Variants in CATSPERB observed in about 807,000 individuals in gnomAD.
CATSPERB encodes the protein catsper channel auxiliary subunit beta.
In CATSPERB, 93 loss-of-function variants were observed where a neutral mutation model predicts 128.3. The ratio of observed to expected loss-of-function variants is 0.72; its 90% confidence interval spans 0.61 to 0.86. CATSPERB has a LOEUF of 0.86. Ranked by LOEUF, CATSPERB falls within the 40% of genes least tolerant of loss-of-function variation. The probability of loss-of-function intolerance (pLI) is 0.00; values close to 1 mark genes in which losing one functional copy is unlikely to be tolerated. For missense variants in CATSPERB, 1,153 were observed against 1,329.5 expected (o/e 0.87, Z 2.06); for synonymous variants, 381 against 448.8 (o/e 0.85, Z 1.91).
At chr14:91,660,788 A>G (rs1894866041) in intron 14 of CATSPERB, among the ~76,000 whole-genome samples, 1 of 152,242 alleles carries the variant, frequency 6.6e-6, no homozygotes, top group Non-Finnish European at 1.5e-5. Context: ...CTCATCTAAT[A>G]TAATCAATCC....
intron 10 of CATSPERB, among the ~76,000 whole-genome samples, chr14:91,686,762 T>C (rs1464034549): frequency 6.6e-6 from 1 of 152,230 alleles, no homozygotes; most frequent in Non-Finnish European, 1.5e-5. Flanking sequence ...TAGGATGTAT[T>C]GTATCTATAT....
At chr14:91,619,696 G>A (rs1231495223) in intron 19 of CATSPERB, among the ~76,000 whole-genome samples, 2 of 152,068 alleles carry the variant, frequency 1.3e-5, no homozygotes, top group South Asian at 2.1e-4. Flanking sequence ...TCCTATGCCT[G>A]TTGACTCTCT....
chr14:91,703,792 G>T (rs543019768), intron 7 of CATSPERB, among the ~76,000 whole-genome samples: 10 of 152,192 alleles, frequency 6.6e-5, no homozygotes, highest in African/African-American at 2.4e-4. Flanking sequence ...TAATAAACTG[G>T]CAAACCTAAA....
chr14:91,590,906 C>T (rs1416644631), intron 23 of CATSPERB, among the ~76,000 whole-genome samples: 2 of 152,090 alleles, frequency 1.3e-5, no homozygotes, highest in Non-Finnish European at 2.9e-5. Flanking sequence ...CCGCCTCGGC[C>T]TCCCAAAGTG....
At chr14:91,587,505 T>TTTTTA in intron 25 of CATSPERB, among the ~76,000 whole-genome samples, 1 of 118,386 alleles carries the variant, frequency 8.4e-6, no homozygotes, top group African/African-American at 3.1e-5. Context: ...TTTTTTTTTT[T>TTTTTA]AGAATGAGGA....
chr14:91,708,095 G>T, intron 6 of CATSPERB, 46 bp downstream of exon 6: 2 of 1,359,856 alleles, frequency 1.5e-6, no homozygotes, highest in Non-Finnish European at 1.1e-6. Flanking sequence ...AAAGTTTGTT[G>T]AAAGAATATA....
intron 7 of CATSPERB, among the ~76,000 whole-genome samples, chr14:91,699,395 C>G (rs751962546): frequency 6.6e-6 from 1 of 151,956 alleles, no homozygotes; most frequent in Non-Finnish European, 1.5e-5. Context: ...CAATTCCCAT[C>G]AAAATCACAA....
chr14:91,661,167 G>GT (rs1243899072), intron 14 of CATSPERB, among the ~76,000 whole-genome samples: 1 of 152,140 alleles, frequency 6.6e-6, no homozygotes, highest in Non-Finnish European at 1.5e-5. Context: ...CAGGGAGGTA[G>GT]TTAGGTGTCT....
intron 7 of CATSPERB, among the ~76,000 whole-genome samples, chr14:91,702,941 G>T (rs1443515421): frequency 6.6e-6 from 1 of 151,396 alleles, no homozygotes; most frequent in Non-Finnish European, 1.5e-5. Flanking sequence ...TACTTTTTGG[G>T]ATTTCTTACC....
chr14:91,691,051 C>A (rs1377672786), intron 10 of CATSPERB, among the ~76,000 whole-genome samples: 1 of 152,170 alleles, frequency 6.6e-6, no homozygotes, highest in Non-Finnish European at 1.5e-5. Context: ...AGGCCAGAAG[C>A]AGACCAGTGA....
rs773022414 is a variant in CATSPERB, at chr14:91,693,216, C to A, written c.741G>T (p.Met247Ile). Reference protein sequence around the residue: ...EEYEDLSLVDMVLTNHFLVIL... With the variant: ...EEYEDLSLVDIVLTNHFLVIL... ...TAACTAAAAAATGATTCGTTAAAACCATATCCACCAATGAAAGGTCTTCAT... is the reference window on the plus strand; with the variant it reads ...TAACTAAAAAATGATTCGTTAAAACAATATCCACCAATGAAAGGTCTTCAT... The change falls in exon 9 of 27, where the codon ATG becomes ATT. Residue 247 changes from methionine (M) to isoleucine (I), a missense_variant. Transcript: ENST00000256343. 1 of 1,613,404 alleles carries A rather than the reference C, an allele frequency of 6.2e-7. No homozygotes were observed.
chr14:91,630,020 G>T (rs1389118100), intron 17 of CATSPERB, among the ~76,000 whole-genome samples: 1 of 152,140 alleles, frequency 6.6e-6, no homozygotes, highest in Non-Finnish European at 1.5e-5. Flanking sequence ...CATTTCCCCA[G>T]CCCAGCTGAT....
At chr14:91,710,553 C>T (rs992557111) in intron 5 of CATSPERB, 1 of 152,188 alleles carries the variant, frequency 6.6e-6, no homozygotes, top group African/African-American at 2.4e-5. Context: ...TACAAAACTA[C>T]ACCTGATGAT....
At chr14:91,695,371 T>C (rs1895544974) in intron 7 of CATSPERB, among the ~76,000 whole-genome samples, 1 of 152,154 alleles carries the variant, frequency 6.6e-6, no homozygotes, top group Non-Finnish European at 1.5e-5. Flanking sequence ...TCTCAAGTGA[T>C]TCGCCCACCT....
intron 15 of CATSPERB, among the ~76,000 whole-genome samples, chr14:91,642,784 G>A (rs1894520918): frequency 6.9e-6 from 1 of 144,222 alleles, no homozygotes; most frequent in African/African-American, 2.6e-5. Context: ...AGAAGGAATG[G>A]TACCAGTTCT....
chr14:91,716,100 G>C (rs1895933037), intron 5 of CATSPERB, among the ~76,000 whole-genome samples: 2 of 152,166 alleles, frequency 1.3e-5, no homozygotes, highest in South Asian at 4.1e-4. Flanking sequence ...TGAAAACTCT[G>C]ATCTTCAAGA....
rs1896153079 is a variant in CATSPERB, at chr14:91,728,275, T to C, written c.79+1126A>G. The stretch of plus-strand genomic sequence containing the variant: ...GACTGCAGGTGAGCACCATCACACC[T>C]GGCTAAATTTTGTATTTTTTATAGA... On this transcript the variant is annotated intron_variant, in intron 2 of 26. Coordinates refer to ENST00000256343, the MANE Select transcript of CATSPERB (RefSeq NM_024764.4). Among the ~76,000 whole-genome samples the C allele has an allele frequency of 3.3e-5, 5 of 152,138 alleles. No homozygotes were observed. In the South Asian group the frequency reaches 1.0e-3, roughly 32 times the overall value.
intron 22 of CATSPERB, chr14:91,605,101 T>C (rs571404589): frequency 1.6e-6 from 2 of 1,262,372 alleles, no homozygotes; most frequent in Non-Finnish European, 2.3e-6. Flanking sequence ...GTTGTTTGCC[T>C]TTGGGAGGGG....
chr14:91,710,457 G>T (rs889521585), intron 5 of CATSPERB: 3 of 152,116 alleles, frequency 2.0e-5, no homozygotes, highest in African/African-American at 7.2e-5. Context: ...GAATGAATGG[G>T]TATTGGTGCT....
Sources: gnomAD v4.1 joint callset for allele counts (sites outside exome capture counted in the v4.1 genomes callset) on GRCh38, gnomAD v4.1.1 for gene constraint, MANE v1.5 for transcripts, NCBI Gene and HGNC (gene_info 2026-07-23, HGNC 2026-07-21) for gene names.